The following ADAMTS19 variants were observed in gnomAD, a reference collection of about 807,000 sequenced individuals.
ADAMTS19 encodes the protein ADAM metallopeptidase with thrombospondin type 1 motif 19, also known as A disintegrin and metalloproteinase with thrombospondin motifs 19.
A neutral mutation model predicts 153.3 loss-of-function variants in ADAMTS19; 93 were observed. The ratio of observed to expected loss-of-function variants is 0.61; its 90% CI spans 0.51 to 0.72. The LOEUF (loss-of-function observed/expected upper bound fraction) is 0.72, where lower values mean the gene tolerates loss of function less well. Among genes scored for constraint, ADAMTS19 ranks in the 30% least tolerant of loss-of-function variants. The probability of loss-of-function intolerance (pLI) is 0.00; values close to 1 mark genes in which losing one functional copy is unlikely to be tolerated. For synonymous variants in ADAMTS19, 600 were observed against 556.6 expected (o/e 1.08, Z -1.10); for missense variants, 1,482 against 1,552.1 (o/e 0.95, Z 0.76).
At chr5:129,721,127 C>T (rs1756989543) in intron 21 of ADAMTS19, among the ~76,000 whole-genome samples, 1 of 152,110 alleles carries the variant, frequency 6.6e-6, no homozygotes, top group Non-Finnish European at 1.5e-5. Context: ...ACACGTTTTA[C>T]TTATTTCAGT....
chr5:129,509,115 T>C lies in ADAMTS19; in HGVS notation c.786T>C (p.Ile262=). 3.1e-6 allele frequency: 5 copies of C among 1,611,468 alleles called. No homozygotes were observed. The highest frequency in any genetic ancestry group is 4.2e-6 in the Non-Finnish European group (5 of 1,178,410). ...AGCTCAATGAGGACTTCATATTTATTGAGCCACTCAATGATACAATGGCCA... is the reference window on the plus strand; with the variant it reads ...AGCTCAATGAGGACTTCATATTTATCGAGCCACTCAATGATACAATGGCCA... ...FIQLNEDFIF[I]EPLNDTMAIT... Residue 262 remains isoleucine, a synonymous_variant, in exon 3 of 23, where the codon ATT becomes ATC. Transcript: ENST00000274487.
rs562865058 is a variant in ADAMTS19, at chr5:129,481,623, C to T, written c.747+19866C>T. Among the ~76,000 whole-genome samples, 162 of 152,282 alleles carry T rather than the reference C, an allele frequency of 1.1e-3. 1 individual carries two copies. Among genetic ancestry groups the T allele is most frequent in the Middle Eastern group, 3.4e-3 (1 of 294 alleles). ...ACAATGCATTTTAGTGGTGCGATCTCAGGTGATCTTTGCTTGTTTAGCCCA... is the reference window on the plus strand; with the variant it reads ...ACAATGCATTTTAGTGGTGCGATCTTAGGTGATCTTTGCTTGTTTAGCCCA... On this transcript the variant is annotated intron_variant, in intron 2 of 22. Coordinates refer to ENST00000274487, the MANE Select transcript of ADAMTS19 (RefSeq NM_133638.6).
intron 16 of ADAMTS19, among the ~76,000 whole-genome samples, chr5:129,671,389 A>G (rs1303816075): frequency 2.0e-5 from 3 of 152,194 alleles, no homozygotes; most frequent in Non-Finnish European, 4.4e-5. Context: ...ATTTGGAATA[A>G]AGAAGAAATG....
At chr5:129,643,154 TACACACACAAAAGCACACACACAC>T (rs1358765538) in intron 11 of ADAMTS19, among the ~76,000 whole-genome samples, 2 of 149,574 alleles carry the variant, frequency 1.3e-5, no homozygotes, top group Non-Finnish European at 1.5e-5. Flanking sequence ...CAGATGTGAA[TACACACACAAAAGCACACACACAC>T]ACACACACAA....
chr5:129,585,586 T>G (rs1253421729), intron 7 of ADAMTS19, among the ~76,000 whole-genome samples: 1 of 152,200 alleles, frequency 6.6e-6, no homozygotes, highest in East Asian at 1.9e-4. Flanking sequence ...TAATGTTTTA[T>G]GTATTCAATA....
chr5:129,710,315 T>G (rs975228348), intron 21 of ADAMTS19, among the ~76,000 whole-genome samples: 2 of 152,238 alleles, frequency 1.3e-5, no homozygotes, highest in African/African-American at 4.8e-5. Flanking sequence ...TTCCTTTTTA[T>G]GGCTGCATAG....
At chr5:129,665,927 T>C (rs561907414) in intron 16 of ADAMTS19, among the ~76,000 whole-genome samples, 1 of 148,458 alleles carries the variant, frequency 6.7e-6, no homozygotes, top group East Asian at 2.0e-4. Context: ...TTATTTCACA[T>C]ATATACATAC....
At chr5:129,494,158 A>T (rs1290037064) in intron 2 of ADAMTS19, among the ~76,000 whole-genome samples, 1 of 152,120 alleles carries the variant, frequency 6.6e-6, no homozygotes, top group African/African-American at 2.4e-5. Context: ...AATGGTAGTT[A>T]TATTTACTTT....
intron 2 of ADAMTS19, among the ~76,000 whole-genome samples, chr5:129,471,543 T>A (rs1287227690): frequency 6.6e-6 from 1 of 151,974 alleles, no homozygotes; most frequent in Non-Finnish European, 1.5e-5. Flanking sequence ...ATAAAAAGAA[T>A]ACAAGGTACT....
At chr5:129,482,365 A>G (rs1380158586) in intron 2 of ADAMTS19, among the ~76,000 whole-genome samples, 1 of 152,116 alleles carries the variant, frequency 6.6e-6, no homozygotes, top group Non-Finnish European at 1.5e-5. Flanking sequence ...CAGTCAATGA[A>G]ATTCTCTTAT....
rs544229468 is a variant in ADAMTS19, at chr5:129,461,444, C to A, written c.434C>A (p.Ser145Ter). ...AAALSPGAPASWQPPPPPQPP... is the reference protein window; with the variant it reads ...AAALSPGAPA ...GCCTTGTCCCCGGGCGCCCCGGCCT[C>A]GTGGCAGCCGCCGCCTCCCCCGCAG... Residue 145 changes from serine to a stop codon, truncating the protein, a stop_gained, in exon 2 of 23, where the codon TCG (serine) becomes TAG (stop). Coordinates refer to ENST00000274487, the MANE Select transcript of ADAMTS19 (RefSeq NM_133638.6). LOFTEE classifies it high-confidence loss of function. This position sits in a 1 kb window ranked among gnomAD's most constrained non-coding sequence, Gnocchi z 4.6. 8 of 1,435,384 alleles carry A rather than the reference C, an allele frequency of 5.6e-6. No homozygotes were observed. Among genetic ancestry groups the A allele is most frequent in the Non-Finnish European group, 9.0e-7 (1 of 1,105,046 alleles). 88.9% of individuals were successfully genotyped at this position (1,435,384 alleles called of 1,614,324 possible).
intron 7 of ADAMTS19, among the ~76,000 whole-genome samples, chr5:129,592,893 A>G (rs1474544355): frequency 6.6e-6 from 1 of 152,176 alleles, no homozygotes; most frequent in Non-Finnish European, 1.5e-5. Flanking sequence ...TTTTTGATAC[A>G]TAGTTGCAAT....
At chr5:129,485,536 A>T (rs1297056457) in intron 2 of ADAMTS19, among the ~76,000 whole-genome samples, 1 of 152,128 alleles carries the variant, frequency 6.6e-6, no homozygotes, top group Non-Finnish European at 1.5e-5. Flanking sequence ...ATATTCTGTA[A>T]TGAACAATAA....
chr5:129,680,035 A>G, intron 17 of ADAMTS19, 114 bp downstream of exon 17: 1 of 1,184,882 alleles, frequency 8.4e-7, no homozygotes, highest in East Asian at 2.8e-5. Context: ...GACATTTAAA[A>G]TTATTTAAAA....
intron 2 of ADAMTS19, 101 bp from the exon 3 acceptor site, chr5:129,508,972 CTGTA>C (rs1751348618): frequency 2.2e-6 from 2 of 903,586 alleles, no homozygotes; most frequent in Admixed American, 3.0e-5. Context: ...CACTAGAAGA[CTGTA>C]TGCATGTTTG....
At chr5:129,685,926 A>T (rs1755065052) in intron 18 of ADAMTS19, among the ~76,000 whole-genome samples, 1 of 152,204 alleles carries the variant, frequency 6.6e-6, no homozygotes, top group African/African-American at 2.4e-5. Context: ...ACAGGAGAAA[A>T]GATAGGTGTT....
chr5:129,511,009 G>C (rs1218458115), intron 3 of ADAMTS19, among the ~76,000 whole-genome samples: 1 of 151,582 alleles, frequency 6.6e-6, no homozygotes, highest in Non-Finnish European at 1.5e-5. Context: ...TGAGGGCTCA[G>C]AATTTTAAAA....
intron 21 of ADAMTS19, among the ~76,000 whole-genome samples, chr5:129,722,724 G>C (rs1757055715): frequency 6.6e-6 from 1 of 152,144 alleles, no homozygotes. Flanking sequence ...ATTAAACTAA[G>C]ATCTCAGCAA....
intron 9 of ADAMTS19, among the ~76,000 whole-genome samples, chr5:129,621,150 T>G (rs1419204900): frequency 6.6e-6 from 1 of 152,056 alleles, no homozygotes; most frequent in Non-Finnish European, 1.5e-5. Flanking sequence ...TCGTTTGTAA[T>G]ACATCTACAC....
Sources: gnomAD v4.1 joint callset for allele counts (sites outside exome capture counted in the v4.1 genomes callset) on GRCh38, gnomAD v4.1.1 for gene constraint, Gnocchi (gnomAD v3.1) non-coding constraint, MANE v1.5 for transcripts, NCBI Gene and HGNC (gene_info 2026-07-23, HGNC 2026-07-21) for gene names.